The following SRRM3 variants were observed in gnomAD, a reference collection of about 807,000 sequenced individuals.
SRRM3 encodes the protein serine/arginine repetitive matrix protein 3.
SRRM3 carries 27 observed loss-of-function variants against 66.2 expected under a neutral mutation model. That is an observed-to-expected ratio of 0.41 (90% CI 0.30 to 0.56). SRRM3 has a LOEUF of 0.56. Ranked by LOEUF, SRRM3 falls within the 20% of genes least tolerant of loss-of-function variation. SRRM3 has a pLI of 0.32. For synonymous variants in SRRM3, 391 were observed against 414.9 expected (o/e 0.94, Z 0.70); for missense variants, 918 against 991.9 (o/e 0.93, Z 1.00).
chr7:76,273,899 C>G (rs1461946818), intron 11 of SRRM3, among the ~76,000 whole-genome samples: 2 of 152,210 alleles, frequency 1.3e-5, no homozygotes, highest in African/African-American at 4.8e-5. Context: ...CTCTCCATCC[C>G]TGACTTCCAC....
At chr7:76,264,110 G>C (rs144734367) in intron 8 of SRRM3, among the ~76,000 whole-genome samples, 32 of 151,046 alleles carry the variant, frequency 2.1e-4, no homozygotes, top group Middle Eastern at 3.5e-3. Context: ...ATTTCTATCT[G>C]GCCCAGACCT....
intron 3 of SRRM3, among the ~76,000 whole-genome samples, chr7:76,253,981 T>G (rs897408104): frequency 6.6e-6 from 1 of 151,938 alleles, no homozygotes; most frequent in Non-Finnish European, 1.5e-5. Context: ...TTCCAAGACC[T>G]TGTGTCTGCT....
intron 1 of SRRM3, among the ~76,000 whole-genome samples, chr7:76,202,441 G>A (rs1800173959): frequency 1.3e-5 from 2 of 152,150 alleles, no homozygotes; most frequent in African/African-American, 4.8e-5. Context: ...CTGGTCACTG[G>A]CCCTGGTGAA....
At chr7:76,261,216 T>C in intron 6 of SRRM3, 136 bp from the exon 7 acceptor site, 1 of 742,444 alleles carries the variant, frequency 1.3e-6, no homozygotes, top group Non-Finnish European at 2.2e-6. Flanking sequence ...GGTCACTCTG[T>C]ACAAGGGACC....
At chr7:76,226,293 C>G (rs4727115) in intron 1 of SRRM3, among the ~76,000 whole-genome samples, 142,497 of 152,344 alleles carry the variant, frequency 0.94, 66,799 homozygotes, top group East Asian at 1. Context: ...AGGGAGGCAA[C>G]TCCAGGGACC....
intron 11 of SRRM3, among the ~76,000 whole-genome samples, chr7:76,272,398 C>T (rs1563638210): frequency 2.7e-5 from 4 of 150,832 alleles, no homozygotes; most frequent in African/African-American, 9.7e-5. Context: ...CCTATCTCTA[C>T]AAAAAAAAAA....
intron 11 of SRRM3, among the ~76,000 whole-genome samples, chr7:76,272,206 T>A (rs1802231731): frequency 6.6e-6 from 1 of 152,114 alleles, no homozygotes; most frequent in Non-Finnish European, 1.5e-5. Context: ...TTTTCTATTT[T>A]ATTATTGCAT....
intron 1 of SRRM3, among the ~76,000 whole-genome samples, chr7:76,220,266 G>T (rs925288677): frequency 6.6e-6 from 1 of 152,180 alleles, no homozygotes; most frequent in South Asian, 2.1e-4. Context: ...AGTAGCCACA[G>T]GGTGACAGCA....
At chr7:76,257,443 TAAAAAAAAA>T (rs34478728) in intron 3 of SRRM3, among the ~76,000 whole-genome samples, 1 of 95,284 alleles carries the variant, frequency 1.0e-5, no homozygotes, top group South Asian at 4.0e-4. Flanking sequence ...CTTGTTCAAT[TAAAAAAAAA>T]AAAAAAAAAA....
intron 1 of SRRM3, among the ~76,000 whole-genome samples, chr7:76,211,155 C>T (rs1177207189): frequency 2.0e-5 from 3 of 152,280 alleles, no homozygotes; most frequent in African/African-American, 7.2e-5. Context: ...AGCAGCATTC[C>T]AAGGGCTACC....
At chr7:76,210,679 G>A (rs911722754) in intron 1 of SRRM3, among the ~76,000 whole-genome samples, 10 of 152,236 alleles carry the variant, frequency 6.6e-5, no homozygotes, top group Middle Eastern at 3.4e-3. Context: ...AGTCTTGGGG[G>A]GGCGGGTAGT....
At position 76,280,883 on chromosome 7, in the gene SRRM3, C is replaced by T. The variant is rs551518999; in HGVS notation, c.1009-558C>T. ...TTCTGTTTCTCGAACTTCTCCCTGG[C>T]TTCCATCCTTCTCTCTCTTCGCTCT... On this transcript the variant is annotated intron_variant, in intron 11 of 14. Coordinates refer to ENST00000611745, the MANE Select transcript of SRRM3 (RefSeq NM_001110199.3). Among the ~76,000 whole-genome samples the T allele has an allele frequency of 3.3e-5, 5 of 151,368 alleles. No homozygotes were observed. The South Asian group carries it at 8.4e-4, about 25-fold the overall frequency.
At chr7:76,266,293 A>ATTTAATATAAATATTAACATAT (rs1802040630) in intron 10 of SRRM3, among the ~76,000 whole-genome samples, 1 of 119,398 alleles carries the variant, frequency 8.4e-6, no homozygotes, top group Non-Finnish European at 1.6e-5. Flanking sequence ...ATATTTATAT[A>ATTTAATATAAATATTAACATAT]TTTAATATAA....
intron 2 of SRRM3, among the ~76,000 whole-genome samples, chr7:76,243,733 G>A (rs1801368477): frequency 6.6e-6 from 1 of 152,130 alleles, no homozygotes; most frequent in South Asian, 2.1e-4. Flanking sequence ...CCACCCACCT[G>A]GCCCAGGGTC....
chr7:76,275,351 G>C (rs1298689961), intron 11 of SRRM3, among the ~76,000 whole-genome samples: 1 of 151,320 alleles, frequency 6.6e-6, no homozygotes, highest in African/African-American at 2.4e-5. Context: ...CAAGCTAGGC[G>C]AGGTGGTACC....
rs782679811 is a variant in SRRM3 at position 76,265,353 on chromosome 7, A to C, written c.726-11A>C. ...ATTGAGGTACAGGCTGATTTCCCCC[A>C]TCCACGCCAGGCCTCACACAGAGTC... On this transcript the variant is annotated splice_polypyrimidine_tract_variant and intron_variant, in intron 9 of 14. Coordinates refer to ENST00000611745, the MANE Select transcript of SRRM3 (RefSeq NM_001110199.3). The C allele has an allele frequency of 8.8e-6, 14 of 1,588,218 alleles. No individual in the cohort carries two copies. The highest frequency in any genetic ancestry group is 3.5e-5 in the Admixed American group (2 of 57,348).
rs1437026782 is a variant in SRRM3, at chr7:76,281,428, C to T, written c.1009-13C>T. On this transcript the variant is annotated splice_polypyrimidine_tract_variant and intron_variant, in intron 11 of 14. Transcript: ENST00000611745. ...TCCCCCCTCCGTGCCCTGTCTGCCT[C>T]TCTCCCCGTCAGAAGCCCAGCTCGC... 1.1e-5 allele frequency: 14 copies of T among 1,233,254 alleles called. No individual in the cohort carries two copies. The highest frequency in any genetic ancestry group is 1.6e-5 in the African/African-American group (1 of 64,050). 76.4% of individuals were successfully genotyped at this position (1,233,254 alleles called of 1,614,324 possible). A position where few individuals can be genotyped will look rare whatever the true frequency, so the allele number is the denominator to read the frequency against.
chr7:76,280,125 A>G (rs1266150289), intron 11 of SRRM3, among the ~76,000 whole-genome samples: 28 of 151,588 alleles, frequency 1.8e-4, no homozygotes, highest in East Asian at 3.9e-4. Flanking sequence ...TTAAAAAAAA[A>G]AAAAAGAAAA....
chr7:76,283,218 TGG>T lies in SRRM3; in HGVS notation c.1733+125_1733+126del, dbSNP rs3839766. On this transcript the variant is annotated intron_variant, in intron 14 of 14. Coordinates refer to ENST00000611745, the MANE Select transcript of SRRM3 (RefSeq NM_001110199.3). ...GGATCCACTGAACCTGGCACGGGGATGGGGGGGGGTGCTAAGGGACAATGAGT... is the reference window on the plus strand; with the variant it reads ...GGATCCACTGAACCTGGCACGGGGATGGGGGGGTGCTAAGGGACAATGAGT... The T allele has an allele frequency of 1.9e-3, 1,595 of 846,314 alleles. 13 individuals carry two copies. Among genetic ancestry groups the T allele is most frequent in the African/African-American group, 0.018 (908 of 49,836 alleles). The allele number at this position is 846,314 out of a possible 1,614,324, so 52.4% of individuals were successfully genotyped here.
Sources: allele counts gnomAD v4.1 joint callset (sites outside exome capture counted in the v4.1 genomes callset), GRCh38; gene constraint gnomAD v4.1.1; transcripts MANE v1.5; gene names NCBI Gene and HGNC (gene_info 2026-07-23, HGNC 2026-07-21).